The following PSD3 variants were observed in gnomAD, a reference collection of about 807,000 sequenced individuals.
PSD3 encodes PH and SEC7 domain-containing protein 3.
A neutral mutation model predicts 105.5 loss-of-function variants in PSD3; 49 were observed. The ratio of observed to expected loss-of-function variants is 0.46; its 90% CI spans 0.37 to 0.59. The LOEUF (loss-of-function observed/expected upper bound fraction) is 0.59. PSD3 is among the 20% of genes least tolerant of loss of function. The pLI, the probability that PSD3 is intolerant of heterozygous loss-of-function variation, is 0.00. For synonymous variants in PSD3, 557 were observed against 457.8 expected (o/e 1.22, Z -2.77); for missense variants, 1,561 against 1,263.8 (o/e 1.24, Z -3.57).
At chr8:18,875,269 T>G (rs753841931) in intron 2 of PSD3, among the ~76,000 whole-genome samples, 126 of 152,290 alleles carry the variant, frequency 8.3e-4, no homozygotes, top group Non-Finnish European at 1.1e-3. Context: ...CAAGCACTTC[T>G]CTGGGATAGT....
chr8:18,698,349 G>A (rs568050490), intron 9 of PSD3, among the ~76,000 whole-genome samples: 1 of 152,058 alleles, frequency 6.6e-6, no homozygotes, highest in Non-Finnish European at 1.5e-5. Context: ...TAACTCCTGG[G>A]CTCAAGTGAT....
chr8:18,755,943 G>A (rs1806009213), intron 9 of PSD3, among the ~76,000 whole-genome samples: 2 of 152,026 alleles, frequency 1.3e-5, no homozygotes, highest in Admixed American at 6.6e-5. Context: ...CCACGGGGAG[G>A]GCAGAAGCGG....
upstream of PSD3, among the ~76,000 whole-genome samples, chr8:19,018,373 G>A (rs1827241488): frequency 6.7e-6 from 1 of 149,308 alleles, no homozygotes; most frequent in Non-Finnish European, 1.5e-5. Context: ...AAAAAAAAAT[G>A]AGGCATAAGG....
intron 4 of PSD3, among the ~76,000 whole-genome samples, chr8:18,833,321 A>G (rs1353000730): frequency 6.6e-6 from 1 of 152,222 alleles, no homozygotes; most frequent in African/African-American, 2.4e-5. Flanking sequence ...GGTGGAGGTG[A>G]GCAGCTGCTT....
intron 9 of PSD3, among the ~76,000 whole-genome samples, chr8:18,678,735 C>G (rs1311128169): frequency 1.3e-5 from 2 of 152,070 alleles, no homozygotes; most frequent in African/African-American, 4.8e-5. Context: ...TCGCTCGAAT[C>G]TGGGAGGCAG....
At chr8:18,901,322 G>A (rs1489780355) in intron 2 of PSD3, among the ~76,000 whole-genome samples, 3 of 152,184 alleles carry the variant, frequency 2.0e-5, no homozygotes, top group African/African-American at 4.8e-5. Context: ...TAGTCAACAG[G>A]TAAAGTGAGT....
At chr8:18,681,261 C>A (rs1800370421) in intron 9 of PSD3, among the ~76,000 whole-genome samples, 1 of 151,836 alleles carries the variant, frequency 6.6e-6, no homozygotes, top group Non-Finnish European at 1.5e-5. Flanking sequence ...AGACATCCTG[C>A]ATTTTGGATG....
chr8:18,602,513 C>G (rs1452941123), intron 11 of PSD3, among the ~76,000 whole-genome samples: 8 of 152,086 alleles, frequency 5.3e-5, no homozygotes, highest in Non-Finnish European at 1.2e-4. Flanking sequence ...ATGAAACAAC[C>G]TATAATCCTC....
chr8:18,994,153 T>C (rs118036014), intron 1 of PSD3, among the ~76,000 whole-genome samples: 2 of 152,050 alleles, frequency 1.3e-5, no homozygotes, highest in African/African-American at 4.8e-5. Flanking sequence ...ACAGGACCTA[T>C]CTACCTTATG....
intron 10 of PSD3, among the ~76,000 whole-genome samples, chr8:18,645,577 G>C (rs1273178220): frequency 3.9e-5 from 6 of 152,100 alleles, no homozygotes; most frequent in African/African-American, 1.2e-4. Context: ...TCTTCGTATA[G>C]ATTGTCTTGT....
At chr8:18,842,491 G>A (rs777726232) in intron 4 of PSD3, among the ~76,000 whole-genome samples, 1 of 152,058 alleles carries the variant, frequency 6.6e-6, no homozygotes, top group East Asian at 1.9e-4. Context: ...CCCAGCACTC[G>A]GGGAGTCCGA....
At chr8:18,796,415 A>G (rs1810182613) in intron 8 of PSD3, among the ~76,000 whole-genome samples, 1 of 152,176 alleles carries the variant, frequency 6.6e-6, no homozygotes, top group Non-Finnish European at 1.5e-5. Flanking sequence ...AATGGCAAAG[A>G]GTATGGAAAG....
At chr8:18,881,972 T>G (rs1253227688) in intron 2 of PSD3, among the ~76,000 whole-genome samples, 2 of 152,092 alleles carry the variant, frequency 1.3e-5, no homozygotes, top group Non-Finnish European at 2.9e-5. Flanking sequence ...CTTTGGGAGC[T>G]TGAGGCAGGA....
chr8:18,641,086 C>G (rs537814704), intron 10 of PSD3, among the ~76,000 whole-genome samples: 1 of 152,334 alleles, frequency 6.6e-6, no homozygotes, highest in East Asian at 1.9e-4. Context: ...CTTCATTTCA[C>G]TCAGCTCTCT....
chr8:19,071,831 T>A (rs576024338), intron 1 of PSD3, among the ~76,000 whole-genome samples: 2 of 152,044 alleles, frequency 1.3e-5, no homozygotes, highest in Non-Finnish European at 2.9e-5. Context: ...TGCCTCACCC[T>A]CCCGAGTATC....
intron 12 of PSD3, among the ~76,000 whole-genome samples, chr8:18,584,250 C>T (rs1803005938): frequency 6.6e-6 from 1 of 152,168 alleles, no homozygotes; most frequent in Admixed American, 6.5e-5. Context: ...AGCCATCATT[C>T]TTTATTCAAG....
chr8:18,843,607 C>A (rs1436215656), intron 4 of PSD3, among the ~76,000 whole-genome samples: 2 of 152,130 alleles, frequency 1.3e-5, no homozygotes, highest in African/African-American at 2.4e-5. Context: ...CACCTAACAC[C>A]CCTGACCCAA....
intron 2 of PSD3, among the ~76,000 whole-genome samples, chr8:18,879,976 TG>T (rs1363130642): frequency 1.3e-5 from 2 of 152,156 alleles, no homozygotes; most frequent in Non-Finnish European, 2.9e-5. Context: ...TTGTAGCTTC[TG>T]GGTAGAAACA....
chr8:18,768,116 C>CAAAAAAAAAAA (rs774203727), intron 8 of PSD3, among the ~76,000 whole-genome samples: 13 of 97,314 alleles, frequency 1.3e-4, no homozygotes, highest in Admixed American at 2.5e-4. Context: ...ACTGAAAATA[C>CAAAAAAAAAAA]AAAAAAAAAA....
Sources: gnomAD v4.1 joint callset for allele counts (sites outside exome capture counted in the v4.1 genomes callset) on GRCh38, gnomAD v4.1.1 for gene constraint, MANE v1.5 for transcripts, NCBI Gene and HGNC (gene_info 2026-07-23, HGNC 2026-07-21) for gene names.